Variants in ARPP21 observed in about 807,000 individuals in gnomAD.
ARPP21 encodes the protein cAMP-regulated phosphoprotein 21.
ARPP21 carries 69 observed loss-of-function variants against 113.2 expected under a neutral mutation model. That is an observed-to-expected ratio of 0.61 (90% CI 0.50 to 0.74). ARPP21 has a LOEUF of 0.74. Ranked by LOEUF, ARPP21 falls within the 30% of genes least tolerant of loss-of-function variation. ARPP21 has a pLI of 0.00. For synonymous variants in ARPP21, 368 were observed against 375.5 expected, an observed-to-expected ratio of 0.98 and a Z score of 0.23; for missense variants, 1,070 against 1,037.4, an observed-to-expected ratio of 1.03 and a Z score of -0.43.
chr3:35,715,492 C>A lies in ARPP21; in HGVS notation c.935+16C>A. The A allele has an allele frequency of 6.2e-7, 1 of 1,603,664 alleles. No homozygotes were observed. The highest frequency in any genetic ancestry group is 8.5e-7 in the Non-Finnish European group (1 of 1,170,860). ...TGGAAAACAGGTAAAATAAAATTTA[C>A]TTTTCCATGTCTTTAGAGGAACAAC... On this transcript the variant is annotated intron_variant, in intron 12 of 20. Coordinates refer to ENST00000684406, the MANE Select transcript of ARPP21 (RefSeq NM_001385562.1).
chr3:35,707,834 G>A (rs2089742569), intron 10 of ARPP21, among the ~76,000 whole-genome samples: 1 of 149,934 alleles, frequency 6.7e-6, no homozygotes, highest in African/African-American at 2.5e-5. Context: ...GTGATTAGAA[G>A]AAAGCTAAGT....
At chr3:35,689,907 G>T (rs1282059592) in intron 7 of ARPP21, among the ~76,000 whole-genome samples, 174 bp from the exon 8 acceptor site, 2 of 151,538 alleles carry the variant, frequency 1.3e-5, no homozygotes, top group African/African-American at 2.4e-5. Flanking sequence ...GAAATAAATT[G>T]TAATGAATGA....
chr3:35,676,505 A>G (rs905763563), intron 1 of ARPP21, among the ~76,000 whole-genome samples: 4 of 68,678 alleles, frequency 5.8e-5, no homozygotes, highest in Admixed American at 2.7e-4. Context: ...TGTTCTTCCA[A>G]TAAAATGGTT....
In ARPP21 at chr3:35,793,804, T is replaced by C; in HGVS notation, c.2390T>C (p.Met797Thr). The C allele has an allele frequency of 6.2e-7, 1 of 1,614,202 alleles. No individual in the cohort carries two copies. The highest frequency in any genetic ancestry group is 8.5e-7 in the Non-Finnish European group (1 of 1,180,026). Residue 797 changes from methionine (M) to threonine (T), a missense_variant, in exon 21 of 21, where the codon ATG (methionine) becomes ACG (threonine). Transcript: ENST00000684406. ...CAAGGGTCACTCCCAGCCACTGGAATGCCTGTTTACTGTAATGTCACACCG... is the reference window on the plus strand; with the variant it reads ...CAAGGGTCACTCCCAGCCACTGGAACGCCTGTTTACTGTAATGTCACACCG... ...AGQGSLPATGMPVYCNVTPPT... is the reference protein window; with the variant it reads ...AGQGSLPATGTPVYCNVTPPT...
At chr3:35,745,599 G>A (rs2094982505) in intron 19 of ARPP21, among the ~76,000 whole-genome samples, 1 of 152,192 alleles carries the variant, frequency 6.6e-6, no homozygotes, top group African/African-American at 2.4e-5. Context: ...CTAGATCTAT[G>A]TGAGGGGATG....
intron 9 of ARPP21, among the ~76,000 whole-genome samples, chr3:35,695,502 A>T (rs2083636791): frequency 6.6e-6 from 1 of 151,678 alleles, no homozygotes; most frequent in South Asian, 2.1e-4. Flanking sequence ...AAAACTTGAA[A>T]AATGTAGTGC....
At chr3:35,773,145 T>C in intron 19 of ARPP21, among the ~76,000 whole-genome samples, 1 of 152,134 alleles carries the variant, frequency 6.6e-6, no homozygotes, top group East Asian at 1.9e-4. Flanking sequence ...ATATAATGCA[T>C]TTTTGGTGAA....
chr3:35,767,294 A>G (rs1405579331), intron 19 of ARPP21, among the ~76,000 whole-genome samples: 1 of 152,118 alleles, frequency 6.6e-6, no homozygotes, highest in Non-Finnish European at 1.5e-5. Flanking sequence ...AATCCTTTAG[A>G]CTTCTGAGGA....
intron 1 of ARPP21, among the ~76,000 whole-genome samples, chr3:35,648,011 C>A (rs1386874717): frequency 2.0e-5 from 3 of 152,176 alleles, no homozygotes; most frequent in African/African-American, 7.2e-5. Context: ...AGGATCCCCA[C>A]CTCCATTTAA....
In ARPP21 at chr3:35,681,889, G is replaced by T; in HGVS notation, c.129+9G>T. 1 of 1,611,326 alleles carries T rather than the reference G, an allele frequency of 6.2e-7. No homozygotes were observed. The highest frequency in any genetic ancestry group is 8.5e-7 in the Non-Finnish European group (1 of 1,178,368). ...AGAAACTGGAACTGCAGGTGAGTGA[G>T]CATGAAGAGACCCTGACTCTCATAC... On this transcript the variant is annotated intron_variant, in intron 3 of 20. Transcript: ENST00000684406.
intron 1 of ARPP21, among the ~76,000 whole-genome samples, chr3:35,662,078 T>C (rs1387867934): frequency 6.6e-6 from 1 of 152,134 alleles, no homozygotes; most frequent in Admixed American, 6.6e-5. Flanking sequence ...CTCTGAGAGT[T>C]AAAGGTCAAA....
intron 5 of ARPP21, chr3:35,684,263 A>G: frequency 1.7e-6 from 2 of 1,210,646 alleles, no homozygotes; most frequent in Non-Finnish European, 2.1e-6. Context: ...GAAATAGTGA[A>G]TAAGGTGCAT....
rs547835978 is a variant in ARPP21, at chr3:35,727,647, TC to T, written c.1226-1655del. ...TAAGAATGCATTTTTAATAACATAA[TC>T]AATAGTGTAGGCTGATGATTTAATC... is the stretch of plus-strand genomic sequence containing the variant. On this transcript the variant is annotated intron_variant, in intron 14 of 20. Transcript: ENST00000684406. Among the ~76,000 whole-genome samples, 914 of 152,356 alleles carry T rather than the reference TC, an allele frequency of 6.0e-3. 6 individuals are homozygous for T. Among genetic ancestry groups the T allele is most frequent in the African/African-American group, 0.021 (873 of 41,586 alleles).
At chr3:35,712,116 A>T (rs984442697) in intron 11 of ARPP21, among the ~76,000 whole-genome samples, 2 of 152,158 alleles carry the variant, frequency 1.3e-5, no homozygotes, top group African/African-American at 4.8e-5. Flanking sequence ...TCCCCAAATG[A>T]TCATTACTAG....
chr3:35,682,929 G>A lies in ARPP21; in HGVS notation c.171+40G>A, dbSNP rs200466246. On this transcript the variant is annotated intron_variant, in intron 4 of 20. Coordinates refer to ENST00000684406, the MANE Select transcript of ARPP21 (RefSeq NM_001385562.1). Reference sequence around the variant, plus strand: ...ATTCTAGGTAGACCTGATATCATGGGTATAAATTACATATTTTACATCAGA... The same window carrying A: ...ATTCTAGGTAGACCTGATATCATGGATATAAATTACATATTTTACATCAGA... 1.9e-4 allele frequency: 289 copies of A among 1,522,348 alleles called. 1 individual carries two copies. The highest frequency in any genetic ancestry group is 5.3e-4 in the Middle Eastern group (3 of 5,700). The allele number at this position is 1,522,348 out of a possible 1,614,324, so 94.3% of individuals were successfully genotyped here.
intron 1 of ARPP21, among the ~76,000 whole-genome samples, chr3:35,658,339 G>A (rs142607933): frequency 1.3e-5 from 2 of 151,888 alleles, no homozygotes; most frequent in Non-Finnish European, 2.9e-5. Flanking sequence ...TGAATGATTC[G>A]TTGTAGTGAG....
intron 9 of ARPP21, among the ~76,000 whole-genome samples, chr3:35,705,849 T>C (rs1241192841): frequency 6.6e-6 from 1 of 152,338 alleles, no homozygotes; most frequent in Non-Finnish European, 1.5e-5. Context: ...AAAATTATTA[T>C]AATTTATGTA....
intron 19 of ARPP21, among the ~76,000 whole-genome samples, chr3:35,789,816 C>A (rs2151888729): frequency 6.6e-6 from 1 of 152,290 alleles, no homozygotes; most frequent in East Asian, 1.9e-4. Flanking sequence ...AGGATTGCTT[C>A]TTCTTCCAAC....
At chr3:35,710,110 C>T (rs779939676) in intron 11 of ARPP21, among the ~76,000 whole-genome samples, 3 of 152,074 alleles carry the variant, frequency 2.0e-5, no homozygotes, top group Admixed American at 6.6e-5. Flanking sequence ...GTTTATATCC[C>T]GCCCCCTACA....
Sources: gnomAD v4.1 joint callset for allele counts (sites outside exome capture counted in the v4.1 genomes callset) on GRCh38, gnomAD v4.1.1 for gene constraint, MANE v1.5 for transcripts, NCBI Gene and HGNC (gene_info 2026-07-23, HGNC 2026-07-21) for gene names.